ASIC1: variants seen among roughly 807,000 people sequenced by gnomAD.
ASIC1 encodes acid sensing ion channel subunit 1.
ASIC1 carries 21 observed loss-of-function variants against 63.4 expected under a neutral mutation model. The ratio of observed to expected loss-of-function variants is 0.33; its 90% CI spans 0.23 to 0.48. ASIC1 has a LOEUF of 0.48. Ranked by LOEUF, ASIC1 falls within the 20% of genes least tolerant of loss-of-function variation. The pLI is 0.99. For missense variants in ASIC1, 478 were observed against 695.5 expected (o/e 0.69, Z 3.52); for synonymous variants, 258 against 278.2 (o/e 0.93, Z 0.72).
At position 50,081,712 on chromosome 12, in the gene ASIC1, A is replaced by C; in HGVS notation, c.*63A>C. The C allele has an allele frequency of 6.8e-7, 1 of 1,477,482 alleles. No homozygotes were observed. The highest frequency in any genetic ancestry group is 9.3e-7 in the Non-Finnish European group (1 of 1,075,998). 91.5% of individuals were successfully genotyped at this position (1,477,482 alleles called of 1,614,324 possible). A position where few individuals can be genotyped will look rare whatever the true frequency, so the allele number is the denominator to read the frequency against. On this transcript the variant is annotated 3_prime_UTR_variant, in exon 12 of 12. Transcript: ENST00000447966. The stretch of plus-strand genomic sequence containing the variant: ...GGACTAGGAGAGCGAGGGGGCCCCC[A>C]GCTGCCTCCTCACATCTGCCCTGGG...
In ASIC1 at chr12:50,059,886, G is replaced by A. The variant is rs768474356; in HGVS notation, c.490G>A (p.Asp164Asn). The A allele has an allele frequency of 1.1e-5, 17 of 1,614,040 alleles. No homozygotes were observed. The highest frequency in any genetic ancestry group is 8.3e-5 in the Admixed American group (5 of 60,010). Residue 164 changes from aspartate (D) to asparagine (N), a missense_variant, in exon 3 of 12, where the codon GAC becomes AAC. This residue lies in a region of ASIC1 where 290 missense variants were observed against 414.9 expected (regional missense o/e 0.70). Coordinates refer to ENST00000447966, the MANE Select transcript of ASIC1 (RefSeq NM_001095.4). This position sits in a 1 kb window ranked among gnomAD's most constrained non-coding sequence, Gnocchi z 4.6. The stretch of plus-strand genomic sequence containing the variant: ...TGAGTTCTACGACCGAGCTGGGCAC[G>A]ACATTCGAGACATGCTGCTCTCCTG... Reference protein sequence around the residue: ...MREFYDRAGHDIRDMLLSCHF... With the variant: ...MREFYDRAGHNIRDMLLSCHF...
chr12:50,077,176 G>A, intron 3 of ASIC1, 37 bp from the exon 4 acceptor site: 1 of 1,604,126 alleles, frequency 6.2e-7, no homozygotes. Context: ...AGAGGGTGCT[G>A]GCAGGACTCT....
In ASIC1 at chr12:50,082,217, C is replaced by T. The variant is rs1420463809; in HGVS notation, c.*568C>T. On this transcript the variant is annotated 3_prime_UTR_variant, in exon 12 of 12. Coordinates refer to ENST00000447966, the MANE Select transcript of ASIC1 (RefSeq NM_001095.4). ...CACTCTCTCACACCATGTGGAATCT[C>T]GTGGGGGTCGGGGATCCCCTTAAGA... 1 of 154,294 alleles carries T rather than the reference C, an allele frequency of 6.5e-6. No individual in the cohort carries two copies. Among genetic ancestry groups the T allele is most frequent in the Admixed American group, 6.5e-5 (1 of 15,448 alleles). The allele number at this position is 154,294 out of a possible 1,614,324, so 9.6% of individuals were successfully genotyped here. A position where few individuals can be genotyped will look rare whatever the true frequency, so the allele number is the denominator to read the frequency against.
Position 50,079,955 on chromosome 12 carries a change from C to T in ASIC1, c.1105C>T (p.Leu369=), listed in dbSNP as rs766860378. The change falls in exon 8 of 12, where the codon CTG becomes TTG. Residue 369 remains leucine (L), a synonymous_variant. Coordinates refer to ENST00000447966, the MANE Select transcript of ASIC1 (RefSeq NM_001095.4). ...CTGCGTGTGTGAAATGCCTTGCAAC[C>T]TGACCCGCTATGGCAAAGAGCTGTC... ...EYCVCEMPCN[L]TRYGKELSMV... 14 of 1,614,010 alleles carry T rather than the reference C, an allele frequency of 8.7e-6. No individual in the cohort carries two copies. Among genetic ancestry groups the T allele is most frequent in the Non-Finnish European group, 1.2e-5 (14 of 1,179,970 alleles).
intron 8 of ASIC1, 123 bp downstream of exon 8, chr12:50,080,178 A>G (rs926353494): frequency 2.3e-5 from 31 of 1,338,912 alleles, no homozygotes; most frequent in Middle Eastern, 2.2e-4. Flanking sequence ...GGAAGGTCCA[A>G]AAGGCAAGCA....
In ASIC1 at chr12:50,081,853, C is replaced by A. The variant is rs906733599; in HGVS notation, c.*204C>A. 2.9e-5 allele frequency: 17 copies of A among 584,792 alleles called. No individual in the cohort carries two copies. The highest frequency in any genetic ancestry group is 5.1e-5 in the Non-Finnish European group (17 of 332,452). 36.2% of individuals were successfully genotyped at this position (584,792 alleles called of 1,614,324 possible). A position where few individuals can be genotyped will look rare whatever the true frequency, so the allele number is the denominator to read the frequency against. On this transcript the variant is annotated 3_prime_UTR_variant, in exon 12 of 12. Coordinates refer to ENST00000447966, the MANE Select transcript of ASIC1 (RefSeq NM_001095.4). Reference sequence around the variant, plus strand: ...TCTTTTTACATTTAACAAAACTAATCTAAAAAAGAACTAAAAAGGGAGAAC... The same window carrying A: ...TCTTTTTACATTTAACAAAACTAATATAAAAAAGAACTAAAAAGGGAGAAC...
rs1319765531 is a variant in ASIC1 at position 50,081,341 on chromosome 12, A to G, written c.1459A>G (p.Ser487Gly). 1.2e-6 allele frequency: 2 copies of G among 1,607,790 alleles called. No homozygotes were observed. Among genetic ancestry groups the G allele is most frequent in the African/African-American group, 1.3e-5 (1 of 74,828 alleles). The change falls in exon 11 of 12, where the codon AGC (serine) becomes GGC (glycine). Residue 487 changes from serine (S) to glycine (G), a missense_variant. By Grantham distance (56) the Ser-to-Gly change is moderately conservative (BLOSUM62 0). This residue lies in a region of ASIC1 where 104 missense variants were observed against 97.0 expected (regional missense o/e 1.07). Transcript: ENST00000447966. ...CAGTGCGGACAAGGGCGTGGCCCTC[A>G]GCCTGGACGACGTCAAAAGACACGT... ...RSSADKGVAL[S>G]LDDVKRHNPC... is the part of the protein sequence containing the mutation.
chr12:50,081,509 G>A (rs759791120), intron 11 of ASIC1, 36 bp from the exon 12 acceptor site: 1 of 1,589,610 alleles, frequency 6.3e-7, no homozygotes, highest in Non-Finnish European at 8.6e-7. Context: ...GCCCTTCCGA[G>A]GGATAACCCG....
chr12:50,070,680 TAGTGG>T (rs767653377), intron 3 of ASIC1: 2 of 152,214 alleles, frequency 1.3e-5, no homozygotes, highest in Non-Finnish European at 2.9e-5. Context: ...CAGTGCCCTC[TAGTGG>T]GAACGCATGG....
intron 3 of ASIC1, among the ~76,000 whole-genome samples, chr12:50,068,849 G>A (rs902606950): frequency 7.2e-5 from 11 of 151,790 alleles, no homozygotes; most frequent in African/African-American, 2.2e-4. Flanking sequence ...CCCCTGTTCC[G>A]GCCCATCCCA....
At position 50,059,080 on chromosome 12, in the gene ASIC1, A is replaced by G; in HGVS notation, c.314A>G (p.Lys105Arg). 1 of 1,614,140 alleles carries G rather than the reference A, an allele frequency of 6.2e-7. No homozygotes were observed. The highest frequency in any genetic ancestry group is 8.5e-7 in the Non-Finnish European group (1 of 1,180,020). Residue 105 changes from lysine (K) to arginine (R), a missense_variant, in exon 2 of 12, where the codon AAG becomes AGG. Around this residue, in one of 3 missense-constraint regions of ASIC1, gnomAD observed 290 missense variants for 414.9 expected, o/e 0.70. Coordinates refer to ENST00000447966, the MANE Select transcript of ASIC1 (RefSeq NM_001095.4). This position sits in a 1 kb window ranked among gnomAD's most constrained non-coding sequence, Gnocchi z 4.6. ...GAGTTCCGCTTTAGCCAAGTCTCCAAGAATGACCTGTATCATGCTGGGGAG... is the reference window on the plus strand; with the variant it reads ...GAGTTCCGCTTTAGCCAAGTCTCCAGGAATGACCTGTATCATGCTGGGGAG... ...LNEFRFSQVS[K>R]NDLYHAGELL...
chr12:50,067,401 TCTG>T (rs1192114752), intron 3 of ASIC1, among the ~76,000 whole-genome samples: 115 of 133,738 alleles, frequency 8.6e-4, no homozygotes, highest in African/African-American at 3.1e-3. Flanking sequence ...CACCAACTCT[TCTG>T]CTGTTGTTTT....
chr12:50,075,152 C>A (rs764198565), intron 3 of ASIC1, among the ~76,000 whole-genome samples: 1 of 152,120 alleles, frequency 6.6e-6, no homozygotes, highest in Non-Finnish European at 1.5e-5. Context: ...CAGGCCTTCC[C>A]TGCCCCACAC....
chr12:50,077,872 A>G (rs1950673171), intron 4 of ASIC1, 128 bp from the exon 5 acceptor site: 4 of 1,405,810 alleles, frequency 2.8e-6, no homozygotes, highest in Non-Finnish European at 3.9e-6. Flanking sequence ...CTAGGACCCT[A>G]TAGACTTCCC....
In ASIC1 at chr12:50,081,605, C is replaced by T. The variant is rs751935133; in HGVS notation, c.1543C>T (p.Pro515Ser). Residue 515 changes from proline to serine, a missense_variant, in exon 12 of 12, where the codon CCT (proline) becomes TCT (serine). Physicochemically the swap from Pro to Ser is moderately conservative, Grantham distance 74 (BLOSUM62 -1). Coordinates refer to ENST00000447966, the MANE Select transcript of ASIC1 (RefSeq NM_001095.4). ...GATGACATACGCTGCCAACATCCTA[C>T]CTCACCATCCGGCCCGAGGCACGTT... ...AGMTYAANIL[P>S]HHPARGTFED... 5.0e-6 allele frequency: 8 copies of T among 1,614,048 alleles called. No individual in the cohort carries two copies. In the South Asian group the frequency reaches 7.7e-5, roughly 16 times the overall value.
chr12:50,079,032 C>T, intron 7 of ASIC1, 52 bp downstream of exon 7: 8 of 1,567,070 alleles, frequency 5.1e-6, no homozygotes, highest in Non-Finnish European at 6.1e-6. Flanking sequence ...GTGCTGCCAG[C>T]CACGTGCGCA....
In ASIC1 at chr12:50,059,897, C is replaced by T; in HGVS notation, c.501C>T (p.Asp167=). The change falls in exon 3 of 12, where the codon GAC becomes GAT. Residue 167 remains aspartate, a synonymous_variant. Coordinates refer to ENST00000447966, the MANE Select transcript of ASIC1 (RefSeq NM_001095.4). The surrounding 1 kb of genome is among the most constrained non-coding windows in gnomAD (Gnocchi z 4.6). ...ACCGAGCTGGGCACGACATTCGAGACATGCTGCTCTCCTGCCACTTCCGGG... is the reference window on the plus strand; with the variant it reads ...ACCGAGCTGGGCACGACATTCGAGATATGCTGCTCTCCTGCCACTTCCGGG... The part of the protein sequence containing the change: ...FYDRAGHDIR[D]MLLSCHFRGE... 1 of 1,614,188 alleles carries T rather than the reference C, an allele frequency of 6.2e-7. No homozygotes were observed. Among genetic ancestry groups the T allele is most frequent in the Non-Finnish European group, 8.5e-7 (1 of 1,180,028 alleles).
rs145349647 is a variant in ASIC1, at chr12:50,081,276, T to C, written c.1394T>C (p.Leu465Pro). The change falls in exon 11 of 12, where the codon CTG becomes CCG. Residue 465 changes from leucine (L) to proline (P), a missense_variant. This residue lies in a region of ASIC1 where 104 missense variants were observed against 97.0 expected (regional missense o/e 1.07). Coordinates refer to ENST00000447966, the MANE Select transcript of ASIC1 (RefSeq NM_001095.4). Reference protein sequence around the residue: ...DYAYEVIKHKLCRRGKCQKEA... With the variant: ...DYAYEVIKHKPCRRGKCQKEA... ...CCGTCCTAGGTCATTAAGCACAAGC[T>C]GTGCCGACGAGGAAAATGCCAGAAG... 1.2e-6 allele frequency: 2 copies of C among 1,609,372 alleles called. No individual in the cohort carries two copies. Among genetic ancestry groups the C allele is most frequent in the African/African-American group, 1.3e-5 (1 of 74,852 alleles).
intron 9 of ASIC1, 132 bp downstream of exon 9, chr12:50,080,721 T>C (rs1266529492): frequency 1.9e-6 from 3 of 1,612,642 alleles, no homozygotes; most frequent in Non-Finnish European, 2.5e-6. Flanking sequence ...CAAACCCTGT[T>C]GTCTTGGTAA....
Sources: allele counts gnomAD v4.1 joint callset (sites outside exome capture counted in the v4.1 genomes callset), GRCh38; gene constraint gnomAD v4.1.1; regional missense constraint gnomAD v4.1.1; non-coding constraint Gnocchi (gnomAD v3.1); transcripts MANE v1.5; gene names NCBI Gene and HGNC (gene_info 2026-07-23, HGNC 2026-07-21).